The following TRPM3 variants were observed in gnomAD, a reference collection of about 807,000 sequenced individuals.
The protein encoded by TRPM3 is long transient receptor potential channel 3.
A neutral mutation model predicts 181.2 loss-of-function variants in TRPM3; 77 were observed. The observed-to-expected ratio is 0.42, with a 90% CI of 0.35 to 0.51. The LOEUF (loss-of-function observed/expected upper bound fraction) is 0.51, where lower values mean the gene tolerates loss of function less well. Among genes scored for constraint, TRPM3 ranks in the 20% least tolerant of loss-of-function variants. The pLI, the probability that TRPM3 is intolerant of heterozygous loss-of-function variation, is 0.01. For missense variants in TRPM3, 1,759 were observed against 2,196.7 expected (o/e 0.80, Z 3.98); for synonymous variants, 745 against 796.4 (o/e 0.94, Z 1.09).
At position 70,784,091 on chromosome 9, in the gene TRPM3, G is replaced by A. The variant is rs1294429858; in HGVS notation, c.1148+14C>T. ...GCTTTAGGGTTCTTCCATGGGGCCT[G>A]GAAAGTTACCTACCCGCCTTCTTCT... On this transcript the variant is annotated intron_variant, in intron 7 of 25. Transcript: ENST00000677713. 9 of 1,610,676 alleles carry A rather than the reference G, an allele frequency of 5.6e-6. No homozygotes were observed. The highest frequency in any genetic ancestry group is 8.5e-7 in the Non-Finnish European group (1 of 1,178,130).
intron 1 of TRPM3, among the ~76,000 whole-genome samples, chr9:71,348,322 A>G (rs1051637104): frequency 6.6e-6 from 1 of 152,048 alleles, no homozygotes; most frequent in South Asian, 2.1e-4. Context: ...TTGTGATTGA[A>G]TATCTCACAG....
rs527421112 is a variant in TRPM3 at position 70,938,089 on chromosome 9, T to A, written c.178-73578A>T. 5.3e-5 allele frequency among the ~76,000 whole-genome samples: 8 copies of A among 152,326 alleles called. No individual in the cohort carries two copies. The East Asian group carries it at 9.6e-4, about 18-fold the overall frequency. On this transcript the variant is annotated intron_variant, in intron 1 of 25. Coordinates refer to ENST00000677713, the MANE Select transcript of TRPM3 (RefSeq NM_001366145.2). ...ATCTGTTAGGATGTGGAATAGGACA[T>A]GGGTCTGTATCACTATTACTGTGCA...
At chr9:70,569,703 G>A (rs963799788) in intron 22 of TRPM3, among the ~76,000 whole-genome samples, 3 of 152,120 alleles carry the variant, frequency 2.0e-5, no homozygotes, top group Admixed American at 6.5e-5. Flanking sequence ...TCACAATCAC[G>A]TTTATGGCTT....
At chr9:70,904,144 T>G (rs2096428750) in intron 1 of TRPM3, among the ~76,000 whole-genome samples, 1 of 151,904 alleles carries the variant, frequency 6.6e-6, no homozygotes, top group Non-Finnish European at 1.5e-5. Flanking sequence ...ATCACCTGAG[T>G]CCCCGGAGGT....
intron 19 of TRPM3, among the ~76,000 whole-genome samples, chr9:70,606,672 T>C (rs911396068): frequency 2.0e-5 from 3 of 151,840 alleles, no homozygotes; most frequent in African/African-American, 7.3e-5. Flanking sequence ...TATATATGTA[T>C]ACTCTGTAAG....
rs2063462997 is a variant in TRPM3, at chr9:70,620,494, C to A, written c.1840-129G>T. The A allele has an allele frequency of 7.9e-6, 8 of 1,017,242 alleles. No individual in the cohort carries two copies. In the Admixed American group the frequency reaches 1.6e-4, roughly 21 times the overall value. 63.0% of individuals were successfully genotyped at this position (1,017,242 alleles called of 1,614,324 possible). On this transcript the variant is annotated intron_variant, in intron 15 of 25. Transcript: ENST00000677713. Reference sequence around the variant, plus strand: ...TGAAATGAACGAGGCCAGCTCCTGTCCTAAAAGAACTCACAAGCTCATCCA... The same window carrying A: ...TGAAATGAACGAGGCCAGCTCCTGTACTAAAAGAACTCACAAGCTCATCCA...
intron 6 of TRPM3, among the ~76,000 whole-genome samples, chr9:70,803,856 C>T (rs1199862597): frequency 1.3e-5 from 2 of 152,104 alleles, no homozygotes; most frequent in Non-Finnish European, 2.9e-5. Context: ...GTCTTTCTAC[C>T]CTCCTCACTC....
chr9:71,199,524 G>A (rs1006908906), intron 1 of TRPM3, among the ~76,000 whole-genome samples: 1 of 152,046 alleles, frequency 6.6e-6, no homozygotes, highest in African/African-American at 2.4e-5. Flanking sequence ...TGGTTGGTAA[G>A]CTATTGATTA....
At chr9:71,256,730 G>C (rs17056600) in intron 1 of TRPM3, among the ~76,000 whole-genome samples, 36,415 of 151,960 alleles carry the variant, frequency 0.24, 5,046 homozygotes, top group African/African-American at 0.36. Context: ...GTATCTGCAA[G>C]AACAGATGCC....
At chr9:71,326,969 T>C (rs1414916605) in intron 1 of TRPM3, among the ~76,000 whole-genome samples, 1 of 152,192 alleles carries the variant, frequency 6.6e-6, no homozygotes, top group Non-Finnish European at 1.5e-5. Context: ...CCTGTCAAGA[T>C]GACATCAGGA....
chr9:71,118,630 G>T (rs1397082151), intron 1 of TRPM3, among the ~76,000 whole-genome samples: 2 of 152,278 alleles, frequency 1.3e-5, no homozygotes, highest in East Asian at 1.9e-4. Flanking sequence ...ACAGGTAGGG[G>T]CACTGAGAGA....
chr9:71,424,823 T>G (rs1392558187), intron 1 of TRPM3, among the ~76,000 whole-genome samples: 1 of 152,136 alleles, frequency 6.6e-6, no homozygotes, highest in African/African-American at 2.4e-5. Flanking sequence ...CCTGCTCCCT[T>G]GTACTTTATA....
chr9:70,535,027 C>A lies in TRPM3; in HGVS notation c.*926G>T, dbSNP rs1008095442. Reference sequence around the variant, plus strand: ...CATGGCAATTTCAGGCTAGTTCTGTCCACTGTTTTTTTTTTTTTTTTTTTA... The same window carrying A: ...CATGGCAATTTCAGGCTAGTTCTGTACACTGTTTTTTTTTTTTTTTTTTTA... On this transcript the variant is annotated 3_prime_UTR_variant, in exon 26 of 26. Coordinates refer to ENST00000677713, the MANE Select transcript of TRPM3 (RefSeq NM_001366145.2). 7.2e-5 allele frequency: 8 copies of A among 110,432 alleles called. No individual in the cohort carries two copies. The highest frequency in any genetic ancestry group is 1.3e-4 in the Non-Finnish European group (7 of 54,660). 6.8% of individuals were successfully genotyped at this position (110,432 alleles called of 1,614,324 possible).
At chr9:70,989,545 C>CGTTT (rs1439845678) in intron 1 of TRPM3, among the ~76,000 whole-genome samples, 1 of 152,104 alleles carries the variant, frequency 6.6e-6, no homozygotes, top group African/African-American at 2.4e-5. Flanking sequence ...GTTGACTTTT[C>CGTTT]GTTTTCTTAG....
At chr9:71,264,374 T>C (rs1051363454) in intron 1 of TRPM3, among the ~76,000 whole-genome samples, 1 of 152,132 alleles carries the variant, frequency 6.6e-6, no homozygotes, top group African/African-American at 2.4e-5. Flanking sequence ...CAAAAGTGAA[T>C]GATGAGAACA....
At chr9:70,629,888 CCTT>C (rs1182022673) in intron 12 of TRPM3, among the ~76,000 whole-genome samples, 16 of 152,318 alleles carry the variant, frequency 1.1e-4, no homozygotes, top group Admixed American at 2.6e-4. Context: ...AGAGTGGAAA[CCTT>C]CTTCGGGAGG....
At chr9:71,123,914 A>C (rs966775991), upstream of TRPM3, among the ~76,000 whole-genome samples, 2 of 152,208 alleles carry the variant, frequency 1.3e-5, no homozygotes, top group African/African-American at 4.8e-5. Flanking sequence ...AGGACCCCAC[A>C]AAAATGACAG....
intron 1 of TRPM3, among the ~76,000 whole-genome samples, chr9:71,300,662 C>A (rs964274262): frequency 6.6e-6 from 1 of 152,030 alleles, no homozygotes; most frequent in Admixed American, 6.6e-5. Flanking sequence ...CAATTTAGAA[C>A]CTTCAGTTAA....
chr9:71,396,442 C>A (rs1265308617), intron 1 of TRPM3, among the ~76,000 whole-genome samples: 1 of 151,954 alleles, frequency 6.6e-6, no homozygotes, highest in African/African-American at 2.4e-5. Flanking sequence ...AAGTAAATTA[C>A]AACTTACAAC....
Sources: gnomAD v4.1 joint callset for allele counts (sites outside exome capture counted in the v4.1 genomes callset) on GRCh38, gnomAD v4.1.1 for gene constraint, MANE v1.5 for transcripts, NCBI Gene and HGNC (gene_info 2026-07-23, HGNC 2026-07-21) for gene names.